CLMN: variants seen among roughly 807,000 people sequenced by gnomAD.
CLMN encodes calmin (calponin-like, transmembrane).
A neutral mutation model predicts 92.7 loss-of-function variants in CLMN; 57 were observed. The ratio of observed to expected loss-of-function variants is 0.61; its 90% confidence interval spans 0.50 to 0.77. The LOEUF (loss-of-function observed/expected upper bound fraction) is 0.77. Ranked by LOEUF, CLMN falls within the 30% of genes least tolerant of loss-of-function variation. CLMN has a pLI of 0.00. For missense variants in CLMN, 1,158 were observed against 1,237.5 expected (o/e 0.94, Z 0.96); for synonymous variants, 466 against 470.6 (o/e 0.99, Z 0.13).
chr14:95,203,231 TTCTTCGC>T lies in CLMN; in HGVS notation c.2111_2117del (p.Ser704LysfsTer39). 4 of 1,613,886 alleles carry T rather than the reference TTCTTCGC, an allele frequency of 2.5e-6. No individual in the cohort carries two copies. Among genetic ancestry groups the T allele is most frequent in the African/African-American group, 1.3e-5 (1 of 75,038 alleles). On this transcript the variant is annotated frameshift_variant, in exon 9 of 13. Transcript: ENST00000298912. LOFTEE classifies it high-confidence loss of function. ...GTGGGGAGGGCTTGAAATCCAGGCCTTCTTCGCTGTGACTCCCAAGGGTCTCCAAGCT... is the reference window on the plus strand; with the variant it reads ...GTGGGGAGGGCTTGAAATCCAGGCCTTGTGACTCCCAAGGGTCTCCAAGCT...
chr14:95,279,052 T>C (rs1900042767), intron 1 of CLMN, among the ~76,000 whole-genome samples: 1 of 152,196 alleles, frequency 6.6e-6, no homozygotes, highest in South Asian at 2.1e-4. Flanking sequence ...TCTTCTTCTG[T>C]CTGCATGTAT....
At chr14:95,258,539 GTGTT>G (rs985847322) in intron 1 of CLMN, among the ~76,000 whole-genome samples, 6 of 148,988 alleles carry the variant, frequency 4.0e-5, no homozygotes, top group African/African-American at 1.5e-4. Context: ...TGCGGAGGAT[GTGTT>G]TGTATGTGTG....
intron 1 of CLMN, among the ~76,000 whole-genome samples, chr14:95,267,988 T>C (rs867214627): frequency 5.3e-5 from 8 of 151,960 alleles, no homozygotes; most frequent in Non-Finnish European, 1.0e-4. Flanking sequence ...AAATAGAAAA[T>C]GAATTTATGG....
At chr14:95,302,325 A>G (rs1566922851) in intron 1 of CLMN, among the ~76,000 whole-genome samples, 1 of 152,038 alleles carries the variant, frequency 6.6e-6, no homozygotes, top group Non-Finnish European at 1.5e-5. Context: ...TAAAACAAAA[A>G]AAGAGGAAGG....
chr14:95,260,606 G>A (rs932997575), intron 1 of CLMN: 3 of 152,210 alleles, frequency 2.0e-5, no homozygotes, highest in Admixed American at 2.0e-4. Flanking sequence ...CAGAAGGCTT[G>A]TGGGAAGTGT....
At chr14:95,270,450 C>T (rs193239740) in intron 1 of CLMN, among the ~76,000 whole-genome samples, 20 of 152,324 alleles carry the variant, frequency 1.3e-4, no homozygotes, top group Admixed American at 3.3e-4. Flanking sequence ...CATTCTCCAC[C>T]TTCCCCTCAG....
In CLMN at chr14:95,301,828, C is replaced by T. The variant is rs186890496; in HGVS notation, c.82+17883G>A. On this transcript the variant is annotated intron_variant, in intron 1 of 12. Coordinates refer to ENST00000298912, the MANE Select transcript of CLMN (RefSeq NM_024734.4). ...TAATCTCTCCCATCTCCAAAAAATTCCAGACCTCCAACCAGACAATTCACT... is the reference window on the plus strand; with the variant it reads ...TAATCTCTCCCATCTCCAAAAAATTTCAGACCTCCAACCAGACAATTCACT... Among the ~76,000 whole-genome samples, 296 of 152,332 alleles carry T rather than the reference C, an allele frequency of 1.9e-3. 1 individual carries two copies. Among genetic ancestry groups the T allele is most frequent in the African/African-American group, 6.6e-3 (275 of 41,578 alleles).
intron 1 of CLMN, among the ~76,000 whole-genome samples, chr14:95,253,251 T>C (rs1453339325): frequency 1.3e-5 from 2 of 152,230 alleles, no homozygotes; most frequent in Admixed American, 1.3e-4. Flanking sequence ...AATTAGCTCA[T>C]GGATGCCTCG....
chr14:95,314,444 G>T (rs562005624), intron 1 of CLMN, among the ~76,000 whole-genome samples: 11 of 152,112 alleles, frequency 7.2e-5, no homozygotes, highest in Non-Finnish European at 1.5e-4. Flanking sequence ...TGCCGGGCTG[G>T]AAGGCAGACG....
At chr14:95,222,365 A>G in intron 3 of CLMN, 2 of 297,572 alleles carry the variant, frequency 6.7e-6, no homozygotes, top group East Asian at 9.6e-5. Context: ...TGACAAGGTT[A>G]GCTCTACATA....
intron 1 of CLMN, among the ~76,000 whole-genome samples, chr14:95,291,157 G>A (rs71431684): frequency 5.9e-5 from 9 of 152,302 alleles, no homozygotes; most frequent in East Asian, 1.9e-4. Context: ...AGTGGAACCC[G>A]GGCTGTGACA....
At chr14:95,304,109 GAGA>G (rs1901174257) in intron 1 of CLMN, among the ~76,000 whole-genome samples, 1 of 152,146 alleles carries the variant, frequency 6.6e-6, no homozygotes, top group Admixed American at 6.5e-5. Flanking sequence ...GGTCCAAGGT[GAGA>G]AGATCACTTG....
chr14:95,203,058 A>C lies in CLMN; in HGVS notation c.2291T>G (p.Met764Arg). Residue 764 changes from methionine to arginine, a missense_variant, in exon 9 of 13, where the codon ATG becomes AGG. Met to Arg is a moderately conservative substitution (Grantham distance 91). Coordinates refer to ENST00000298912, the MANE Select transcript of CLMN (RefSeq NM_024734.4). Reference protein sequence around the residue: ...EMDLEEPEGYMPDLDSREEEA... With the variant: ...EMDLEEPEGYRPDLDSREEEA... ...CTCCTCCCTGGAGTCCAGGTCTGGCATATAGCCCTCTGGCTCTTCGAGATC... is the reference window on the plus strand; with the variant it reads ...CTCCTCCCTGGAGTCCAGGTCTGGCCTATAGCCCTCTGGCTCTTCGAGATC... The C allele has an allele frequency of 6.2e-7, 1 of 1,614,140 alleles. No individual in the cohort carries two copies. Among genetic ancestry groups the C allele is most frequent in the Non-Finnish European group, 8.5e-7 (1 of 1,180,020 alleles).
At chr14:95,240,166 C>A (rs1312571474) in intron 1 of CLMN, among the ~76,000 whole-genome samples, 1 of 152,224 alleles carries the variant, frequency 6.6e-6, no homozygotes, top group Non-Finnish European at 1.5e-5. Context: ...CAGTGCAATT[C>A]TCAGGATGTA....
At chr14:95,296,932 A>C (rs1471910984) in intron 1 of CLMN, among the ~76,000 whole-genome samples, 1 of 152,154 alleles carries the variant, frequency 6.6e-6, no homozygotes, top group Admixed American at 6.5e-5. Context: ...TGTGCACTTG[A>C]ATTTCATCTT....
Position 95,215,718 on chromosome 14 carries a change from T to C in CLMN, c.340A>G (p.Ile114Val). 1 of 1,614,144 alleles carries C rather than the reference T, an allele frequency of 6.2e-7. No individual in the cohort carries two copies. The highest frequency in any genetic ancestry group is 8.5e-7 in the Non-Finnish European group (1 of 1,180,002). ...CCATCTGCTATTTCTGCTGCATCAATGCTAACCAGTTTTACCTGGAGGGAA... is the reference window on the plus strand; with the variant it reads ...CCATCTGCTATTTCTGCTGCATCAACGCTAACCAGTTTTACCTGGAGGGAA... ...LEDSNVKLVS[I>V]DAAEIADGNP... is the part of the protein sequence containing the mutation. Residue 114 changes from isoleucine (I) to valine (V), a missense_variant, in exon 5 of 13, where the codon ATT (isoleucine) becomes GTT (valine). By Grantham distance (29) the Ile-to-Val change is conservative. Coordinates refer to ENST00000298912, the MANE Select transcript of CLMN (RefSeq NM_024734.4).
chr14:95,201,195 T>G (rs1256594117), intron 9 of CLMN, among the ~76,000 whole-genome samples: 1 of 151,596 alleles, frequency 6.6e-6, no homozygotes, highest in Non-Finnish European at 1.5e-5. Flanking sequence ...ATATTTTTTG[T>G]TTTTCAACTT....
At chr14:95,279,964 ATGT>A (rs893076597) in intron 1 of CLMN, among the ~76,000 whole-genome samples, 10 of 139,222 alleles carry the variant, frequency 7.2e-5, no homozygotes, top group African/African-American at 2.3e-4. Context: ...GCATCAGAAT[ATGT>A]TGTTGTTTTT....
intron 3 of CLMN, among the ~76,000 whole-genome samples, chr14:95,222,958 C>T (rs1447658921): frequency 6.6e-6 from 1 of 152,220 alleles, no homozygotes; most frequent in Non-Finnish European, 1.5e-5. Flanking sequence ...CGTTGCTGCA[C>T]CTCTGTTTTA....
Sources: gnomAD v4.1 joint callset for allele counts (sites outside exome capture counted in the v4.1 genomes callset) on GRCh38, gnomAD v4.1.1 for gene constraint, MANE v1.5 for transcripts, NCBI Gene and HGNC (gene_info 2026-07-23, HGNC 2026-07-21) for gene names.